The following TNFAIP2 variants were observed in gnomAD, a reference collection of about 807,000 sequenced individuals.
The protein encoded by TNFAIP2 is tumor necrosis factor alpha-induced protein 2.
A neutral mutation model predicts 63.5 loss-of-function variants in TNFAIP2; 47 were observed. That is an observed-to-expected ratio of 0.74 (90% CI 0.59 to 0.94). TNFAIP2 has a LOEUF of 0.94. TNFAIP2 is among the 40% of genes least tolerant of loss of function. TNFAIP2 has a pLI of 0.00. For synonymous variants in TNFAIP2, 405 were observed against 390.2 expected, an observed-to-expected ratio of 1.04 and a Z score of -0.45; for missense variants, 787 against 850.2, an observed-to-expected ratio of 0.93 and a Z score of 0.92.
rs539947945 is a variant in TNFAIP2 at position 103,132,269 on chromosome 14, C to A, written c.1423-481C>A. On this transcript the variant is annotated intron_variant, in intron 8 of 11. Transcript: ENST00000560869. The stretch of plus-strand genomic sequence containing the variant: ...AAATCCACAGAAAATGCTGTGAAAA[C>A]AAGTAGTTCCTTTAGCAGGGTGTAA... 1.6e-3 allele frequency among the ~76,000 whole-genome samples: 241 copies of A among 152,222 alleles called. 2 individuals carry two copies. The highest frequency in any genetic ancestry group is 5.4e-3 in the African/African-American group (226 of 41,564).
chr14:103,126,593 G>A lies in TNFAIP2; in HGVS notation c.136G>A (p.Val46Ile), dbSNP rs1270222537. 1 of 1,554,326 alleles carries A rather than the reference G, an allele frequency of 6.4e-7. No individual in the cohort carries two copies. Residue 46 changes from valine to isoleucine, a missense_variant, in exon 2 of 12, where the codon GTC becomes ATC. Around this residue, in one of 3 missense-constraint regions of TNFAIP2, gnomAD observed 258 missense variants for 228.9 expected, o/e 1.13. Coordinates refer to ENST00000560869, the MANE Select transcript of TNFAIP2 (RefSeq NM_006291.4). The part of the protein sequence containing the change: ...KSKGLANVFC[V>I]FTKGKKKKGQ... Reference sequence around the variant, plus strand: ...CAAAGGCCTGGCCAATGTGTTCTGCGTCTTCACCAAAGGGAAGAAGAAGAA... The same window carrying A: ...CAAAGGCCTGGCCAATGTGTTCTGCATCTTCACCAAAGGGAAGAAGAAGAA...
rs1281682568 is a variant in TNFAIP2 at position 103,131,553 on chromosome 14, G to A, written c.1299-86G>A. On this transcript the variant is annotated intron_variant, in intron 7 of 11. Transcript: ENST00000560869. This position sits in a 1 kb window ranked among gnomAD's most constrained non-coding sequence, Gnocchi z 4.0. ...ATGGGGAGCCATTGAGGGTTCTAGAGTGAAGAGAGGGGGCTGTCTGGCTCC... is the reference window on the plus strand; with the variant it reads ...ATGGGGAGCCATTGAGGGTTCTAGAATGAAGAGAGGGGGCTGTCTGGCTCC... 7 of 1,476,130 alleles carry A rather than the reference G, an allele frequency of 4.7e-6. No homozygotes were observed. The highest frequency in any genetic ancestry group is 1.4e-5 in the African/African-American group (1 of 71,558). The allele number at this position is 1,476,130 out of a possible 1,614,324, so 91.4% of individuals were successfully genotyped here. A position where few individuals can be genotyped will look rare whatever the true frequency, so the allele number is the denominator to read the frequency against.
At chr14:103,124,885 G>A (rs2087821905) in intron 1 of TNFAIP2, among the ~76,000 whole-genome samples, 1 of 152,226 alleles carries the variant, frequency 6.6e-6, no homozygotes, top group Non-Finnish European at 1.5e-5. Context: ...AGCATGGCAG[G>A]GGCTGGGGGT....
chr14:103,133,508 C>T lies in TNFAIP2; in HGVS notation c.1692C>T (p.Cys564=). ...LANADTIQHF[C]TQHGSPATWL... ...ATGCTGACACCATCCAGCACTTCTG[C>T]ACCCAGCACGTAAGCCGCTGCCCAC... The change falls in exon 10 of 12, where the codon TGC becomes TGT. Residue 564 remains cysteine (C), a synonymous_variant. Transcript: ENST00000560869. 2 of 1,613,686 alleles carry T rather than the reference C, an allele frequency of 1.2e-6. No individual in the cohort carries two copies. The highest frequency in any genetic ancestry group is 1.7e-6 in the Non-Finnish European group (2 of 1,179,844).
At chr14:103,126,719 AG>A in intron 2 of TNFAIP2, 27 bp downstream of exon 2, 1 of 1,551,972 alleles carries the variant, frequency 6.4e-7, no homozygotes, top group Non-Finnish European at 8.7e-7. Flanking sequence ...GGTTAGAGCT[AG>A]TCTGGGGCCT....
rs1244674376 is a variant in TNFAIP2 at position 103,126,349 on chromosome 14, G to T, written c.-109G>T. Reference sequence around the variant, plus strand: ...GAACCAGGGTGATGCTGAAGATGATGACCTTCTTCCAAGGCCTCTAGAGCC... The same window carrying T: ...GAACCAGGGTGATGCTGAAGATGATTACCTTCTTCCAAGGCCTCTAGAGCC... On this transcript the variant is annotated 5_prime_UTR_variant, in exon 2 of 12. The change abolishes an upstream ATG in the 5' untranslated region. Coordinates refer to ENST00000560869, the MANE Select transcript of TNFAIP2 (RefSeq NM_006291.4). 2 of 743,410 alleles carry T rather than the reference G, an allele frequency of 2.7e-6. No homozygotes were observed. The highest frequency in any genetic ancestry group is 3.6e-5 in the African/African-American group (2 of 56,172). 46.1% of individuals were successfully genotyped at this position (743,410 alleles called of 1,614,324 possible).
chr14:103,133,260 G>T, intron 9 of TNFAIP2, 102 bp from the exon 10 acceptor site: 1 of 1,432,668 alleles, frequency 7.0e-7, no homozygotes, highest in Non-Finnish European at 9.4e-7. Flanking sequence ...TTTTGCTCTG[G>T]CATCTGCCTC....
chr14:103,126,033 GT>G (rs1224719117), intron 1 of TNFAIP2, among the ~76,000 whole-genome samples: 1 of 152,212 alleles, frequency 6.6e-6, no homozygotes, highest in Non-Finnish European at 1.5e-5. Context: ...TAAAGTGAAA[GT>G]CCCCCTCTGT....
In TNFAIP2 at chr14:103,127,317, C is replaced by T; in HGVS notation, c.548C>T (p.Pro183Leu). The T allele has an allele frequency of 3.0e-6, 3 of 1,001,236 alleles. No individual in the cohort carries two copies. The highest frequency in any genetic ancestry group is 2.4e-6 in the Non-Finnish European group (2 of 841,754). The allele number at this position is 1,001,236 out of a possible 1,614,324, so 62.0% of individuals were successfully genotyped here. A position where few individuals can be genotyped will look rare whatever the true frequency, so the allele number is the denominator to read the frequency against. ...PGTSGLAATR[P>L]RRWLQLWRRG... ...ACCTCGGGGCTGGCGGCCACGCGCC[C>T]GCGGCGCTGGCTGCAGCTGTGGCGG... The change falls in exon 3 of 12, where the codon CCG (proline) becomes CTG (leucine). Residue 183 changes from proline (P) to leucine (L), a missense_variant. Transcript: ENST00000560869. This position sits in a 1 kb window ranked among gnomAD's most constrained non-coding sequence, Gnocchi z 5.1.
chr14:103,130,309 C>T lies in TNFAIP2; in HGVS notation c.1099-6C>T, dbSNP rs2087946630. 1 of 1,554,470 alleles carries T rather than the reference C, an allele frequency of 6.4e-7. No homozygotes were observed. ...CCTGCTCAGCTCACCCACCACCACCCTGCAGATCACCTCCCAGGCCCAGGC... is the reference window on the plus strand; with the variant it reads ...CCTGCTCAGCTCACCCACCACCACCTTGCAGATCACCTCCCAGGCCCAGGC... On this transcript the variant is annotated splice_polypyrimidine_tract_variant and splice_region_variant and intron_variant, in intron 5 of 11. Transcript: ENST00000560869.
intron 6 of TNFAIP2, 73 bp downstream of exon 6, chr14:103,130,488 G>A (rs2087951256): frequency 7.1e-7 from 1 of 1,405,032 alleles, no homozygotes; most frequent in African/African-American, 1.4e-5. Context: ...AGTGCCTCAG[G>A]TGGGGAGCTG....
Position 103,124,795 on chromosome 14 carries a change from G to A in TNFAIP2, c.-149+844G>A, listed in dbSNP as rs371859116. On this transcript the variant is annotated intron_variant, in intron 1 of 11. Transcript: ENST00000560869. ...CTGGAGCATGCCCCTCTTGGTCCTG[G>A]AGTGGAATGCTCAACCCAAATGGCA... is the stretch of plus-strand genomic sequence containing the variant. Among the ~76,000 whole-genome samples, 298 of 152,366 alleles carry A rather than the reference G, an allele frequency of 2.0e-3. 8 individuals are homozygous for A. In the South Asian group the frequency reaches 0.047, roughly 24 times the overall value.
In TNFAIP2 at chr14:103,136,585, G is replaced by A. The variant is rs1377766614; in HGVS notation, c.*1225G>A. On this transcript the variant is annotated 3_prime_UTR_variant, in exon 12 of 12. Transcript: ENST00000560869. The stretch of plus-strand genomic sequence containing the variant: ...GCCCAGGCTGGAGTGCAGTGGCCTG[G>A]TCATGGCATCAAGGCTCACTGCAGC... 1 of 149,714 alleles carries A rather than the reference G, an allele frequency of 6.7e-6. No homozygotes were observed. Among genetic ancestry groups the A allele is most frequent in the Non-Finnish European group, 1.5e-5 (1 of 67,824 alleles). The allele number at this position is 149,714 out of a possible 1,614,324, so 9.3% of individuals were successfully genotyped here.
Position 103,126,991 on chromosome 14 carries a change from C to T in TNFAIP2, c.236-14C>T. On this transcript the variant is annotated splice_polypyrimidine_tract_variant and intron_variant, in intron 2 of 11. Transcript: ENST00000560869. ...TGGGCTGGGGCCGGGGCTGACGCGG[C>T]TTTCCCGGCGCAGTGGAGGAGCTGA... 1 of 1,222,934 alleles carries T rather than the reference C, an allele frequency of 8.2e-7. No homozygotes were observed. Among genetic ancestry groups the T allele is most frequent in the Non-Finnish European group, 1.0e-6 (1 of 979,564 alleles). 75.8% of individuals were successfully genotyped at this position (1,222,934 alleles called of 1,614,324 possible).
chr14:103,132,952 ACT>A (rs2088009195), intron 9 of TNFAIP2, 80 bp downstream of exon 9: 1 of 1,576,756 alleles, frequency 6.3e-7, no homozygotes, highest in African/African-American at 1.3e-5. Context: ...GTCTGTGTAC[ACT>A]CACGCACATG....
At chr14:103,128,177 C>T (rs2087900563) in intron 3 of TNFAIP2, among the ~76,000 whole-genome samples, 1 of 152,160 alleles carries the variant, frequency 6.6e-6, no homozygotes, top group Non-Finnish European at 1.5e-5. Flanking sequence ...AGAGGAAGGT[C>T]GGTGCTCCTG....
chr14:103,127,234 G>T lies in TNFAIP2; in HGVS notation c.465G>T (p.Leu155=), dbSNP rs1274419598. 2 of 1,075,688 alleles carry T rather than the reference G, an allele frequency of 1.9e-6. No individual in the cohort carries two copies. The highest frequency in any genetic ancestry group is 2.8e-5 in the South Asian group (1 of 35,640). 66.6% of individuals were successfully genotyped at this position (1,075,688 alleles called of 1,614,324 possible). ...EAPPERLRQA[L]AVVAEQERED... ...CGCCCGAGCGGCTGCGCCAGGCGCT[G>T]GCCGTGGTGGCGGAGCAGGAGCGCG... The change falls in exon 3 of 12, where the codon CTG becomes CTT. Residue 155 remains leucine (L), a synonymous_variant. Coordinates refer to ENST00000560869, the MANE Select transcript of TNFAIP2 (RefSeq NM_006291.4). This position sits in a 1 kb window ranked among gnomAD's most constrained non-coding sequence, Gnocchi z 5.1.
At chr14:103,134,728 C>T (rs1183458220) in intron 11 of TNFAIP2, among the ~76,000 whole-genome samples, 1 of 152,098 alleles carries the variant, frequency 6.6e-6, no homozygotes. Context: ...TGCTAGGTGT[C>T]AGCCTCTGTT....
At position 103,126,801 on chromosome 14, in the gene TNFAIP2, G is replaced by T. The variant is rs578093424; in HGVS notation, c.235+109G>T. The T allele has an allele frequency of 2.1e-4, 288 of 1,352,314 alleles. No individual in the cohort carries two copies. The African/African-American group carries it at 3.7e-3, about 17-fold the overall frequency. 83.8% of individuals were successfully genotyped at this position (1,352,314 alleles called of 1,614,324 possible). A position where few individuals can be genotyped will look rare whatever the true frequency, so the allele number is the denominator to read the frequency against. ...GGGCCGGCAAGTGGGGCTGGAAGGC[G>T]CGTCTGTCTCCCTGCTTTCACCTGT... On this transcript the variant is annotated intron_variant, in intron 2 of 11. Coordinates refer to ENST00000560869, the MANE Select transcript of TNFAIP2 (RefSeq NM_006291.4).
Sources: allele counts gnomAD v4.1 joint callset (sites outside exome capture counted in the v4.1 genomes callset), GRCh38; gene constraint gnomAD v4.1.1; regional missense constraint gnomAD v4.1.1; non-coding constraint Gnocchi (gnomAD v3.1); transcripts MANE v1.5; gene names NCBI Gene and HGNC (gene_info 2026-07-23, HGNC 2026-07-21).